Variants in PTPRJ observed in about 807,000 individuals in gnomAD.
The protein encoded by PTPRJ is protein tyrosine phosphatase receptor type J.
A neutral mutation model predicts 141.3 loss-of-function variants in PTPRJ; 129 were observed. The ratio of observed to expected loss-of-function variants is 0.91; its 90% CI spans 0.79 to 1.06. The LOEUF is 1.06. Among genes scored for constraint, PTPRJ ranks in the 50% least tolerant of loss-of-function variants. PTPRJ has a pLI of 0.00. For missense variants in PTPRJ, 1,601 were observed against 1,679.7 expected (o/e 0.95, Z 0.82); for synonymous variants, 610 against 640.5 (o/e 0.95, Z 0.72).
chr11:48,165,414 A>C (rs944296369), intron 24 of PTPRJ, among the ~76,000 whole-genome samples: 1 of 152,248 alleles, frequency 6.6e-6, no homozygotes, highest in African/African-American at 2.4e-5. Context: ...GGTTTTACCC[A>C]AACTGTTACT....
At chr11:48,012,147 TC>T (rs1854813257) in intron 1 of PTPRJ, among the ~76,000 whole-genome samples, 1 of 152,072 alleles carries the variant, frequency 6.6e-6, no homozygotes, top group Non-Finnish European at 1.5e-5. Context: ...AAGTGGGTGT[TC>T]TGGGGTGAGT....
chr11:48,053,295 A>G (rs1276995707), intron 1 of PTPRJ, among the ~76,000 whole-genome samples: 1 of 92,244 alleles, frequency 1.1e-5, no homozygotes, highest in Non-Finnish European at 1.9e-5. Context: ...ATAAAAATAT[A>G]TAAAATATAT....
chr11:47,988,578 T>C (rs1339307317), intron 1 of PTPRJ, among the ~76,000 whole-genome samples: 1 of 152,204 alleles, frequency 6.6e-6, no homozygotes, highest in Admixed American at 6.5e-5. Context: ...ATGGACACTT[T>C]AGTTGTTTTA....
chr11:48,145,656 T>C (rs1857334298), intron 14 of PTPRJ, among the ~76,000 whole-genome samples: 1 of 150,988 alleles, frequency 6.6e-6, no homozygotes, highest in Non-Finnish European at 1.5e-5. Flanking sequence ...CCTTCTGGGT[T>C]CAAGCAATTC....
chr11:48,133,581 A>G (rs956337929), intron 8 of PTPRJ, among the ~76,000 whole-genome samples: 1 of 152,222 alleles, frequency 6.6e-6, no homozygotes, highest in South Asian at 2.1e-4. Context: ...AACGAATACC[A>G]TATGATCCAG....
rs1299537230 is a variant in PTPRJ, at chr11:48,135,986, C to G, written c.1616-53C>G. 2.5e-6 allele frequency: 4 copies of G among 1,579,136 alleles called. No homozygotes were observed. The East Asian group carries it at 9.0e-5, about 35-fold the overall frequency. The stretch of plus-strand genomic sequence containing the variant: ...CTCTCGACAGCACTTGGAGAGGAAG[C>G]TGGGCGTCATGATAGTAACAGTTTT... On this transcript the variant is annotated intron_variant, in intron 8 of 24. Coordinates refer to ENST00000418331, the MANE Select transcript of PTPRJ (RefSeq NM_002843.4).
chr11:48,067,183 C>T (rs1855109376), intron 1 of PTPRJ, among the ~76,000 whole-genome samples: 1 of 152,172 alleles, frequency 6.6e-6, no homozygotes, highest in Admixed American at 6.5e-5. Flanking sequence ...TAGGAGGCCT[C>T]CTGGAAAGGA....
chr11:47,989,074 G>A (rs1358804320), intron 1 of PTPRJ, among the ~76,000 whole-genome samples: 6 of 150,656 alleles, frequency 4.0e-5, no homozygotes, highest in Non-Finnish European at 1.5e-5. Flanking sequence ...TAGTAGAGAC[G>A]AGGTTTCACC....
At chr11:48,166,606 C>T (rs112482541) in intron 24 of PTPRJ, among the ~76,000 whole-genome samples, 7,552 of 151,992 alleles carry the variant, frequency 0.05, 677 homozygotes, top group African/African-American at 0.17. Context: ...GGAGCCACCG[C>T]GCCTGGCCAG....
chr11:48,096,208 C>A (rs1243487320), intron 1 of PTPRJ, among the ~76,000 whole-genome samples: 2 of 152,136 alleles, frequency 1.3e-5, no homozygotes, highest in African/African-American at 4.8e-5. Flanking sequence ...TGCAGTGTGA[C>A]CCACCGTGTG....
intron 1 of PTPRJ, among the ~76,000 whole-genome samples, chr11:48,075,868 C>G (rs1459910985): frequency 6.6e-6 from 1 of 152,176 alleles, no homozygotes; most frequent in Non-Finnish European, 1.5e-5. Flanking sequence ...TGAGATGTAG[C>G]CGGAGTTCCA....
chr11:48,057,288 G>A (rs564313149), intron 1 of PTPRJ, among the ~76,000 whole-genome samples: 1 of 151,748 alleles, frequency 6.6e-6, no homozygotes, highest in South Asian at 2.1e-4. Flanking sequence ...AAAGCTCTGG[G>A]TAAACGTTAG....
intron 21 of PTPRJ, among the ~76,000 whole-genome samples, chr11:48,159,686 T>C (rs1857714963): frequency 6.6e-6 from 1 of 152,176 alleles, no homozygotes; most frequent in Non-Finnish European, 1.5e-5. Flanking sequence ...AGTGCAGGAA[T>C]TGGAGGTGGT....
intron 1 of PTPRJ, among the ~76,000 whole-genome samples, chr11:48,000,030 T>G (rs757870250): frequency 6.6e-6 from 1 of 151,822 alleles, no homozygotes; most frequent in Non-Finnish European, 1.5e-5. Context: ...CTAAATTTTT[T>G]GTATTTTTAG....
intron 24 of PTPRJ, 43 bp downstream of exon 24, chr11:48,164,558 A>ATTTTTTTTTTTTTTTTTTTTTTTTT (rs60806872): frequency 4.2e-6 from 3 of 715,256 alleles, no homozygotes; most frequent in Non-Finnish European, 1.8e-6. Context: ...CTTCCCCTCC[A>ATTTTTTTTTTTTTTTTTTTTTTTTT]TTTTTTTTTT....
chr11:48,159,830 C>T, intron 21 of PTPRJ, 100 bp from the exon 22 acceptor site: 1 of 1,468,210 alleles, frequency 6.8e-7, no homozygotes. Flanking sequence ...CTGATTCCAT[C>T]TCTGATGCCA....
chr11:48,057,170 A>G (rs1854777964), intron 1 of PTPRJ, among the ~76,000 whole-genome samples: 1 of 152,134 alleles, frequency 6.6e-6, no homozygotes, highest in Non-Finnish European at 1.5e-5. Context: ...ACCGCCCCCC[A>G]TTGCCTGGTG....
At chr11:48,003,590 G>A (rs1854554387) in intron 1 of PTPRJ, among the ~76,000 whole-genome samples, 2 of 152,198 alleles carry the variant, frequency 1.3e-5, no homozygotes, top group Admixed American at 6.5e-5. Context: ...CCGCCTCCCA[G>A]GTTCAAGCGA....
intron 1 of PTPRJ, among the ~76,000 whole-genome samples, chr11:48,099,065 G>A (rs911464295): frequency 3.9e-5 from 6 of 152,150 alleles, no homozygotes; most frequent in Non-Finnish European, 7.4e-5. Context: ...CTTTCAGAGG[G>A]GAAGATCGAA....
Sources: allele counts gnomAD v4.1 joint callset (sites outside exome capture counted in the v4.1 genomes callset), GRCh38; gene constraint gnomAD v4.1.1; transcripts MANE v1.5; gene names NCBI Gene and HGNC (gene_info 2026-07-23, HGNC 2026-07-21).